SPRING1: variants seen among roughly 807,000 people sequenced by gnomAD.
SPRING1 encodes the protein SREBP regulating gene protein.
A neutral mutation model predicts 24.7 loss-of-function variants in SPRING1; 14 were observed. The ratio of observed to expected loss-of-function variants is 0.57; its 90% CI spans 0.37 to 0.88. SPRING1 has a LOEUF of 0.88. Among genes scored for constraint, SPRING1 ranks in the 40% least tolerant of loss-of-function variants. SPRING1 has a pLI of 0.00. For missense variants in SPRING1, 255 were observed against 268.4 expected (o/e 0.95, Z 0.35); for synonymous variants, 93 against 106.1 (o/e 0.88, Z 0.76).
At chr12:116,732,046 C>T (rs1247351379) in intron 1 of SPRING1, among the ~76,000 whole-genome samples, 1 of 152,182 alleles carries the variant, frequency 6.6e-6, no homozygotes, top group Non-Finnish European at 1.5e-5. Flanking sequence ...GGATGACCAA[C>T]TCCTTGTGAA....
At chr12:116,730,454 T>C (rs1243719251) in intron 1 of SPRING1, among the ~76,000 whole-genome samples, 1 of 152,220 alleles carries the variant, frequency 6.6e-6, no homozygotes, top group Non-Finnish European at 1.5e-5. Flanking sequence ...TCCACCCATC[T>C]CAGCCTCCCA....
At position 116,714,303 on chromosome 12, in the gene SPRING1, C is replaced by G. The variant is rs1381319857; in HGVS notation, c.*3507G>C. 1.3e-5 allele frequency: 2 copies of G among 152,250 alleles called. No homozygotes were observed. The highest frequency in any genetic ancestry group is 2.9e-5 in the Non-Finnish European group (2 of 68,044). 9.4% of individuals were successfully genotyped at this position (152,250 alleles called of 1,614,324 possible). ...CCTCCCTGTGTTTACAACTTATCTG[C>G]TGATCCCAAGGATGGGAAAAGCTGC... On this transcript the variant is annotated 3_prime_UTR_variant, in exon 5 of 5. Coordinates refer to ENST00000261318, the MANE Select transcript of SPRING1 (RefSeq NM_024738.4).
At chr12:116,727,429 G>A (rs980624915) in intron 1 of SPRING1, among the ~76,000 whole-genome samples, 24 of 152,316 alleles carry the variant, frequency 1.6e-4, no homozygotes, top group East Asian at 3.9e-4. Context: ...TTACTAATGC[G>A]TTGCTTTGTG....
chr12:116,720,536 C>A lies in SPRING1; in HGVS notation c.269-89G>T. 1 of 1,515,182 alleles carries A rather than the reference C, an allele frequency of 6.6e-7. No individual in the cohort carries two copies. Among genetic ancestry groups the A allele is most frequent in the Non-Finnish European group, 9.0e-7 (1 of 1,114,150 alleles). The allele number at this position is 1,515,182 out of a possible 1,614,324, so 93.9% of individuals were successfully genotyped here. ...ACCATGAAGCAGCAGTGAAAGTACACAGACAGAAGCTGGAGTCTGGGGCAT... is the reference window on the plus strand; with the variant it reads ...ACCATGAAGCAGCAGTGAAAGTACAAAGACAGAAGCTGGAGTCTGGGGCAT... On this transcript the variant is annotated intron_variant, in intron 2 of 4. Coordinates refer to ENST00000261318, the MANE Select transcript of SPRING1 (RefSeq NM_024738.4). The surrounding 1 kb of genome is among the most constrained non-coding windows in gnomAD (Gnocchi z 4.0).
intron 1 of SPRING1, among the ~76,000 whole-genome samples, chr12:116,725,654 G>A (rs1313418827): frequency 6.6e-6 from 1 of 152,210 alleles, no homozygotes; most frequent in Non-Finnish European, 1.5e-5. Flanking sequence ...GGGAGGCCAA[G>A]GCGGGCGGAT....
At chr12:116,722,101 AT>A (rs1417745785) in intron 2 of SPRING1, among the ~76,000 whole-genome samples, 1 of 152,206 alleles carries the variant, frequency 6.6e-6, no homozygotes, top group African/African-American at 2.4e-5. Context: ...TTATTTAATA[AT>A]GTGTTACCCC....
rs182678383 is a variant in SPRING1 at position 116,733,710 on chromosome 12, A to G, written c.111+4080T>C. 3.4e-3 allele frequency among the ~76,000 whole-genome samples: 518 copies of G among 152,266 alleles called. 5 individuals are homozygous for G. Among genetic ancestry groups the G allele is most frequent in the Non-Finnish European group, 4.1e-3 (280 of 68,022 alleles). On this transcript the variant is annotated intron_variant, in intron 1 of 4. Coordinates refer to ENST00000261318, the MANE Select transcript of SPRING1 (RefSeq NM_024738.4). ...AATGTTAATTTATTATTAAAGAAAA[A>G]TCTTCAAATCAATGTAGTGTGGCCC...
intron 1 of SPRING1, among the ~76,000 whole-genome samples, chr12:116,726,794 G>C (rs925224195): frequency 2.0e-5 from 3 of 152,178 alleles, no homozygotes; most frequent in Non-Finnish European, 4.4e-5. Flanking sequence ...TTACGACAAG[G>C]TTAAAAGTGC....
chr12:116,718,451 AT>A (rs1306928733), intron 4 of SPRING1, among the ~76,000 whole-genome samples: 1 of 152,250 alleles, frequency 6.6e-6, no homozygotes, highest in Admixed American at 6.5e-5. Context: ...TTTTTCAGCA[AT>A]TTGTTTTCAT....
chr12:116,722,196 C>T (rs950718136), intron 2 of SPRING1, among the ~76,000 whole-genome samples: 22 of 152,198 alleles, frequency 1.4e-4, no homozygotes, highest in Admixed American at 1.4e-3. Context: ...TTCACCCATA[C>T]TCATGGAGAA....
rs1197362501 is a variant in SPRING1, at chr12:116,719,803, T to C, written c.494A>G (p.His165Arg). ...GCATTTGGCCAGGCACAACTCAAAG[T>C]GATCTTCGACTGCCATGAAGAGGTT... ...FQNLFMAVED[H>R]FELCLAKCRT... Residue 165 changes from histidine to arginine, a missense_variant, in exon 4 of 5, where the codon CAC (histidine) becomes CGC (arginine). Transcript: ENST00000261318. 1.9e-6 allele frequency: 3 copies of C among 1,614,174 alleles called. No individual in the cohort carries two copies. The highest frequency in any genetic ancestry group is 2.5e-6 in the Non-Finnish European group (3 of 1,180,024).
intron 1 of SPRING1, among the ~76,000 whole-genome samples, chr12:116,731,347 G>T (rs545901013): frequency 2.0e-5 from 3 of 152,128 alleles, no homozygotes; most frequent in African/African-American, 4.8e-5. Context: ...ACATTTTGTC[G>T]TTATTCTGAA....
chr12:116,717,800 G>A lies in SPRING1; in HGVS notation c.*10C>T, dbSNP rs752065284. ...TCCTCACCCAGGCTGGAGCAAGTCC[G>A]CTGCACCCGTCAAGCGGGGAAGAGC... On this transcript the variant is annotated 3_prime_UTR_variant, in exon 5 of 5. Coordinates refer to ENST00000261318, the MANE Select transcript of SPRING1 (RefSeq NM_024738.4). This position sits in a 1 kb window ranked among gnomAD's most constrained non-coding sequence, Gnocchi z 4.2. 1.1e-5 allele frequency: 18 copies of A among 1,582,902 alleles called. No individual in the cohort carries two copies. Among genetic ancestry groups the A allele is most frequent in the African/African-American group, 9.4e-5 (7 of 74,466 alleles).
At chr12:116,719,656 C>T (rs758314680) in intron 4 of SPRING1, 107 bp downstream of exon 4, 22 of 864,580 alleles carry the variant, frequency 2.5e-5, no homozygotes, top group Non-Finnish European at 3.7e-5. Context: ...GGCTTCGAGT[C>T]TCTTCTCCCT....
intron 1 of SPRING1, among the ~76,000 whole-genome samples, chr12:116,726,845 A>AGAAAAC: frequency 6.6e-6 from 1 of 152,360 alleles, no homozygotes; most frequent in East Asian, 1.9e-4. Context: ...TTCTTCCAAA[A>AGAAAAC]GAAAACAAGA....
At chr12:116,731,849 G>A (rs953668794) in intron 1 of SPRING1, among the ~76,000 whole-genome samples, 12 of 152,182 alleles carry the variant, frequency 7.9e-5, no homozygotes, top group Middle Eastern at 3.2e-3. Flanking sequence ...TCTAACATGG[G>A]TAAGCCGAGG....
At chr12:116,724,773 G>A (rs1449578810) in intron 1 of SPRING1, among the ~76,000 whole-genome samples, 2 of 152,152 alleles carry the variant, frequency 1.3e-5, no homozygotes, top group Admixed American at 1.3e-4. Flanking sequence ...ACTGAGATAC[G>A]ACTGATAGCT....
intron 1 of SPRING1, among the ~76,000 whole-genome samples, chr12:116,724,488 T>A (rs339451): frequency 6.6e-6 from 1 of 152,040 alleles, no homozygotes; most frequent in African/African-American, 2.4e-5. Flanking sequence ...AGGCCGAGGC[T>A]GGTGGATCAC....
Position 116,712,939 on chromosome 12 carries a change from C to T in SPRING1, c.*4871G>A, listed in dbSNP as rs1009884098. On this transcript the variant is annotated 3_prime_UTR_variant, in exon 5 of 5. Coordinates refer to ENST00000261318, the MANE Select transcript of SPRING1 (RefSeq NM_024738.4). ...GGTAATTTAATCAGCAGCACTTCAG[C>T]AGGGTAGAAAGCAAGGGCGGGGAAA... The T allele has an allele frequency of 3.3e-5, 5 of 152,676 alleles. No individual in the cohort carries two copies. The highest frequency in any genetic ancestry group is 7.2e-5 in the African/African-American group (3 of 41,452). 9.5% of individuals were successfully genotyped at this position (152,676 alleles called of 1,614,324 possible).
Sources: gnomAD v4.1 joint callset for allele counts (sites outside exome capture counted in the v4.1 genomes callset) on GRCh38, gnomAD v4.1.1 for gene constraint, Gnocchi (gnomAD v3.1) non-coding constraint, MANE v1.5 for transcripts, NCBI Gene and HGNC (gene_info 2026-07-23, HGNC 2026-07-21) for gene names.